PDE4D: variants seen among roughly 807,000 people sequenced by gnomAD.
PDE4D encodes phosphodiesterase 4D, also known as 3',5'-cyclic-AMP phosphodiesterase 4D.
PDE4D carries 24 observed loss-of-function variants against 87.4 expected under a neutral mutation model. That is an observed-to-expected ratio of 0.27 (90% CI 0.20 to 0.39). PDE4D has a LOEUF of 0.39. Among genes scored for constraint, PDE4D ranks in the 10% least tolerant of loss-of-function variants. The pLI is 1.00. For synonymous variants in PDE4D, 384 were observed against 383.2 expected (o/e 1.00, Z -0.02); for missense variants, 714 against 1,041.0 (o/e 0.69, Z 4.32).
At chr5:59,394,721 G>A (rs374087886) in intron 1 of PDE4D, among the ~76,000 whole-genome samples, 1 of 152,152 alleles carries the variant, frequency 6.6e-6, no homozygotes, top group Non-Finnish European at 1.5e-5. Flanking sequence ...CTTTACAACA[G>A]GAGGAGCCAA....
At chr5:59,523,339 C>G (rs569706804) in intron 1 of PDE4D, among the ~76,000 whole-genome samples, 2 of 152,162 alleles carry the variant, frequency 1.3e-5, no homozygotes, top group Non-Finnish European at 2.9e-5. Flanking sequence ...AGCTTTGAAC[C>G]ATGAAAACAT....
intron 1 of PDE4D, among the ~76,000 whole-genome samples, chr5:59,550,426 G>C (rs888644821): frequency 2.0e-5 from 3 of 152,130 alleles, no homozygotes; most frequent in African/African-American, 7.2e-5. Flanking sequence ...AGTGTGACTT[G>C]AATTCTCTTC....
intron 1 of PDE4D, among the ~76,000 whole-genome samples, chr5:59,372,097 GTTTTGT>G (rs1273170273): frequency 3.3e-5 from 5 of 152,112 alleles, no homozygotes; most frequent in Non-Finnish European, 7.4e-5. Context: ...ATTTAATTCT[GTTTTGT>G]TCCAGAAAGG....
chr5:59,245,010 T>C (rs1401557853), intron 1 of PDE4D, among the ~76,000 whole-genome samples: 1 of 152,016 alleles, frequency 6.6e-6, no homozygotes, highest in Non-Finnish European at 1.5e-5. Flanking sequence ...GTTTATTTTG[T>C]AGTTAGAAAA....
chr5:59,556,190 C>T lies in PDE4D; in HGVS notation c.455+336978G>A, dbSNP rs541362998. On this transcript the variant is annotated intron_variant, in intron 1 of 14. Transcript: ENST00000340635. ...TTCTCTTGAGAGGCAGTGAGTGTCACACTGCACTACTAGTGGCCTGCACAT... is the reference window on the plus strand; with the variant it reads ...TTCTCTTGAGAGGCAGTGAGTGTCATACTGCACTACTAGTGGCCTGCACAT... 3.3e-5 allele frequency among the ~76,000 whole-genome samples: 5 copies of T among 152,190 alleles called. 1 individual carries two copies. The South Asian group carries it at 6.2e-4, about 19-fold the overall frequency.
chr5:60,071,286 T>C (rs1393416405), intron 2 of PDE4D, among the ~76,000 whole-genome samples: 1 of 151,998 alleles, frequency 6.6e-6, no homozygotes, highest in African/African-American at 2.4e-5. Context: ...TATTAAATTG[T>C]TTAAGATTTT....
At chr5:59,574,253 A>T (rs558365124) in intron 1 of PDE4D, among the ~76,000 whole-genome samples, 335 of 145,712 alleles carry the variant, frequency 2.3e-3, no homozygotes, top group African/African-American at 6.9e-3. Flanking sequence ...ATATATATAT[A>T]TTTTTTAACT....
At chr5:59,586,907 T>A in intron 1 of PDE4D, 1 of 985,424 alleles carries the variant, frequency 1.0e-6, no homozygotes, top group South Asian at 4.7e-5. Context: ...TCATGTATGG[T>A]CACTTTAACG....
At chr5:59,597,525 G>A (rs1381834768) in intron 1 of PDE4D, among the ~76,000 whole-genome samples, 1 of 151,834 alleles carries the variant, frequency 6.6e-6, no homozygotes, top group Non-Finnish European at 1.5e-5. Flanking sequence ...GAGAGAGAGA[G>A]AAAGAGAGAG....
intron 3 of PDE4D, among the ~76,000 whole-genome samples, chr5:59,924,250 G>C (rs1423869054): frequency 6.6e-6 from 1 of 152,004 alleles, no homozygotes; most frequent in African/African-American, 2.4e-5. Flanking sequence ...GCCTCTGAAG[G>C]GCAAATCTAA....
At chr5:59,155,059 A>G (rs1176698254) in intron 5 of PDE4D, among the ~76,000 whole-genome samples, 1 of 152,210 alleles carries the variant, frequency 6.6e-6, no homozygotes, top group Non-Finnish European at 1.5e-5. Flanking sequence ...ATCAATGGAC[A>G]TTGGGCTTTT....
At chr5:59,608,406 C>A (rs927862878) in intron 1 of PDE4D, among the ~76,000 whole-genome samples, 2 of 152,062 alleles carry the variant, frequency 1.3e-5, no homozygotes, top group African/African-American at 4.8e-5. Flanking sequence ...ATAACAACCA[C>A]CTAAACACAA....
Position 59,649,904 on chromosome 5 carries a change from C to CTTTT in PDE4D, c.455+243263_455+243264insAAAA, listed in dbSNP as rs1561402852. Reference sequence around the variant, plus strand: ...TGTTAAAATGTTGATAGTTTGTGAACCTTTTTTTTTTTTTTTTTTTTTTTT... The same window carrying CTTTT: ...TGTTAAAATGTTGATAGTTTGTGAACTTTTCTTTTTTTTTTTTTTTTTTTTTTTT... On this transcript the variant is annotated intron_variant, in intron 1 of 14. Coordinates refer to ENST00000340635, the MANE Select transcript of PDE4D (RefSeq NM_001104631.2). 4.1e-3 allele frequency among the ~76,000 whole-genome samples: 303 copies of CTTTT among 73,954 alleles called. 69 individuals carry two copies. Among genetic ancestry groups the CTTTT allele is most frequent in the East Asian group, 0.024 (70 of 2,894 alleles). The allele number at this position is 73,954 out of a possible 152,430, so 48.5% of individuals were successfully genotyped here.
chr5:59,150,059 G>C (rs531366734), intron 5 of PDE4D, among the ~76,000 whole-genome samples: 69 of 152,228 alleles, frequency 4.5e-4, no homozygotes, highest in African/African-American at 1.5e-3. Context: ...TGTCATGTGG[G>C]AGGTCCAAAT....
rs775240810 is a variant in PDE4D, at chr5:59,889,453, C to A, written c.455+3715G>T. ...CTATGATTGTGCCACTGTACTCCAA[C>A]CTGGGTGACAGAGCGAGACCCAGTC... On this transcript the variant is annotated intron_variant, in intron 1 of 14. Transcript: ENST00000340635. 2.4e-4 allele frequency among the ~76,000 whole-genome samples: 36 copies of A among 151,838 alleles called. 1 individual carries two copies. Among genetic ancestry groups the A allele is most frequent in the Admixed American group, 2.0e-3 (31 of 15,234 alleles).
At chr5:59,797,613 GCTGATATTAA>G (rs1766640612) in intron 1 of PDE4D, among the ~76,000 whole-genome samples, 1 of 152,152 alleles carries the variant, frequency 6.6e-6, no homozygotes, top group African/African-American at 2.4e-5. Context: ...ATAGAGGGCT[GCTGATATTAA>G]TAACACATAA....
chr5:59,057,454 CA>C (rs1762530352), intron 5 of PDE4D, among the ~76,000 whole-genome samples: 1 of 152,148 alleles, frequency 6.6e-6, no homozygotes, highest in African/African-American at 2.4e-5. Flanking sequence ...GTATGTAAAG[CA>C]GTGCCTGAAA....
At chr5:60,336,307 T>A (rs7712697) in intron 1 of PDE4D, among the ~76,000 whole-genome samples, 9,059 of 152,242 alleles carry the variant, frequency 0.06, 891 homozygotes, top group African/African-American at 0.21. Context: ...AAACTAGAGG[T>A]CAGTCATTTT....
chr5:60,105,554 T>C lies in PDE4D; in HGVS notation c.42+80003A>G, dbSNP rs140645956. Reference sequence around the variant, plus strand: ...TCAAGAAGCACACCTCCAAGACGCATAATTGTCAGATTCACCAAAGTTGAA... The same window carrying C: ...TCAAGAAGCACACCTCCAAGACGCACAATTGTCAGATTCACCAAAGTTGAA... On this transcript the variant is annotated intron_variant, in intron 2 of 16. Transcript: ENST00000502484. Among the ~76,000 whole-genome samples the C allele has an allele frequency of 5.8e-3, 885 of 152,068 alleles. 11 individuals are homozygous for C. Among genetic ancestry groups the C allele is most frequent in the African/African-American group, 0.021 (851 of 41,440 alleles).
Sources: allele counts gnomAD v4.1 joint callset (sites outside exome capture counted in the v4.1 genomes callset), GRCh38; gene constraint gnomAD v4.1.1; transcripts MANE v1.5; gene names NCBI Gene and HGNC (gene_info 2026-07-23, HGNC 2026-07-21).